The following DGLUCY variants were observed in gnomAD, a reference collection of about 807,000 sequenced individuals.
The protein encoded by DGLUCY is D-glutamate cyclase.
DGLUCY carries 58 observed loss-of-function variants against 58.5 expected under a neutral mutation model. The observed-to-expected ratio is 0.99, with a 90% CI of 0.80 to 1.23. The LOEUF is 1.23. DGLUCY is among the 50% of genes most tolerant of loss of function. DGLUCY has a pLI of 0.00. For missense variants in DGLUCY, 779 were observed against 784.7 expected (o/e 0.99, Z 0.09); for synonymous variants, 325 against 314.1 (o/e 1.03, Z -0.37).
intron 1 of DGLUCY, among the ~76,000 whole-genome samples, chr14:91,145,515 C>T (rs2046963863): frequency 6.6e-6 from 1 of 152,102 alleles, no homozygotes; most frequent in East Asian, 1.9e-4. Flanking sequence ...AGTTGAGGCC[C>T]CATTTGTACC....
At chr14:91,136,577 G>T (rs1260508359) in intron 1 of DGLUCY, among the ~76,000 whole-genome samples, 2 of 151,644 alleles carry the variant, frequency 1.3e-5, no homozygotes, top group African/African-American at 4.8e-5. Flanking sequence ...CCAGCCACTC[G>T]GGAGTCTGAG....
At chr14:91,125,856 G>C (rs915830100) in intron 1 of DGLUCY, among the ~76,000 whole-genome samples, 5 of 152,130 alleles carry the variant, frequency 3.3e-5, no homozygotes, top group Admixed American at 2.6e-4. Context: ...TGCTTGAACC[G>C]AGGAGATAGA....
intron 13 of DGLUCY, among the ~76,000 whole-genome samples, chr14:91,224,398 A>C (rs1887926508): frequency 6.6e-6 from 1 of 152,218 alleles, no homozygotes; most frequent in African/African-American, 2.4e-5. Flanking sequence ...CTATGTTTCC[A>C]TTAAAGCATA....
At chr14:91,142,879 A>G (rs1026285219) in intron 1 of DGLUCY, among the ~76,000 whole-genome samples, 1 of 126,678 alleles carries the variant, frequency 7.9e-6, no homozygotes, top group African/African-American at 2.8e-5. Flanking sequence ...ACACACACAC[A>G]CACTAGCCGG....
intron 13 of DGLUCY, chr14:91,216,113 AG>A: frequency 4.5e-6 from 1 of 221,758 alleles, no homozygotes; most frequent in Non-Finnish European, 9.1e-6. Flanking sequence ...TGGGGGGAGC[AG>A]GGGCTTGGGA....
At chr14:91,087,415 A>C (rs965588061) in intron 1 of DGLUCY, among the ~76,000 whole-genome samples, 8 of 152,116 alleles carry the variant, frequency 5.3e-5, no homozygotes, top group African/African-American at 1.4e-4. Flanking sequence ...TTAGAAGCAA[A>C]ATTTATTCAA....
intron 9 of DGLUCY, among the ~76,000 whole-genome samples, chr14:91,192,286 T>C (rs1379384016): frequency 1.3e-5 from 2 of 151,960 alleles, no homozygotes; most frequent in Non-Finnish European, 2.9e-5. Context: ...ATGACATGCC[T>C]AGAGTAGGCA....
chr14:91,115,420 CT>C (rs869252847), intron 1 of DGLUCY, among the ~76,000 whole-genome samples: 146 of 152,068 alleles, frequency 9.6e-4, no homozygotes, highest in African/African-American at 2.2e-3. Flanking sequence ...GAGGAAGCAC[CT>C]TTTTTTCCCC....
chr14:91,126,810 C>A (rs1285608780), intron 1 of DGLUCY, among the ~76,000 whole-genome samples: 1 of 152,180 alleles, frequency 6.6e-6, no homozygotes, highest in Admixed American at 6.6e-5. Flanking sequence ...CAAATAAAGT[C>A]ATATTCACAG....
chr14:91,181,799 A>G (rs2049187114), intron 8 of DGLUCY, among the ~76,000 whole-genome samples: 1 of 150,596 alleles, frequency 6.6e-6, no homozygotes, highest in African/African-American at 2.4e-5. Context: ...GGCACGCTCC[A>G]CCACACCTGG....
intron 1 of DGLUCY, among the ~76,000 whole-genome samples, chr14:91,074,118 T>TATACACACAC (rs1387151532): frequency 7.1e-5 from 5 of 70,342 alleles, no homozygotes; most frequent in African/African-American, 2.9e-4. Context: ...TATATATATA[T>TATACACACAC]ACACACACAC....
At chr14:91,216,792 C>T (rs971595360) in intron 13 of DGLUCY, among the ~76,000 whole-genome samples, 10 of 152,162 alleles carry the variant, frequency 6.6e-5, no homozygotes, top group South Asian at 6.2e-4. Flanking sequence ...CCCCATGCTC[C>T]GAAGTGTTGT....
At chr14:91,200,857 C>T (rs115946748) in intron 11 of DGLUCY, among the ~76,000 whole-genome samples, 1,638 of 151,920 alleles carry the variant, frequency 0.011, 31 homozygotes, top group African/African-American at 0.038. Context: ...AGCGAAGGGT[C>T]GTGGGATTAT....
At chr14:91,107,608 C>T (rs2044614617), upstream of DGLUCY, among the ~76,000 whole-genome samples, 2 of 152,166 alleles carry the variant, frequency 1.3e-5, no homozygotes, top group South Asian at 4.1e-4. Context: ...TTCTGTTTGA[C>T]ACATGTTTAC....
intron 1 of DGLUCY, among the ~76,000 whole-genome samples, chr14:91,064,900 AT>A (rs2043796567): frequency 1.3e-5 from 2 of 152,168 alleles, no homozygotes. Flanking sequence ...GTGGGGACAT[AT>A]TTTTCTCCAA....
At chr14:91,182,916 ATTTTATT>A (rs1341395463) in intron 8 of DGLUCY, among the ~76,000 whole-genome samples, 1 of 148,036 alleles carries the variant, frequency 6.8e-6, no homozygotes, top group African/African-American at 2.5e-5. Context: ...ATTTTATTTT[ATTTTATT>A]TTTTATTTTA....
Position 91,181,847 on chromosome 14 carries a change from A to C in DGLUCY, c.934+458A>C, listed in dbSNP as rs1595859677. Among the ~76,000 whole-genome samples the C allele has an allele frequency of 3.3e-5, 5 of 152,010 alleles. No homozygotes were observed. The South Asian group carries it at 1.0e-3, about 32-fold the overall frequency. ...TTTTTAGCAGAGACAGGATTTCACC[A>C]TGTTGGCCAGGCTGGTCTTAAACTG... On this transcript the variant is annotated intron_variant, in intron 8 of 13. Transcript: ENST00000256324.
intron 1 of DGLUCY, among the ~76,000 whole-genome samples, chr14:91,079,641 A>G (rs2044091870): frequency 6.6e-6 from 1 of 152,180 alleles, no homozygotes; most frequent in South Asian, 2.1e-4. Flanking sequence ...TTTCCTAACA[A>G]ATCACCTACT....
At chr14:91,097,610 G>T (rs190528301) in intron 1 of DGLUCY, among the ~76,000 whole-genome samples, 1 of 151,812 alleles carries the variant, frequency 6.6e-6, no homozygotes, top group Admixed American at 6.6e-5. Flanking sequence ...CTTGTAGACA[G>T]CTTGCCCACC....
Sources: gnomAD v4.1 joint callset for allele counts (sites outside exome capture counted in the v4.1 genomes callset) on GRCh38, gnomAD v4.1.1 for gene constraint, MANE v1.5 for transcripts, NCBI Gene and HGNC (gene_info 2026-07-23, HGNC 2026-07-21) for gene names.